The following KIAA1328 variants were observed in gnomAD, a reference collection of about 807,000 sequenced individuals.
KIAA1328 encodes protein hinderin.
KIAA1328 carries 52 observed loss-of-function variants against 68.1 expected under a neutral mutation model. That is an observed-to-expected ratio of 0.76 (90% confidence interval 0.61 to 0.96). KIAA1328 has a LOEUF of 0.96. Among genes scored for constraint, KIAA1328 ranks in the 40% least tolerant of loss-of-function variants. The pLI, the probability that KIAA1328 is intolerant of heterozygous loss-of-function variation, is 0.00. For missense variants in KIAA1328, 641 were observed against 677.6 expected, an observed-to-expected ratio of 0.95 and a Z score of 0.60; for synonymous variants, 232 against 239.4, an observed-to-expected ratio of 0.97 and a Z score of 0.28.
At chr18:36,940,486 G>C (rs1850497856) in intron 5 of KIAA1328, among the ~76,000 whole-genome samples, 1 of 152,148 alleles carries the variant, frequency 6.6e-6, no homozygotes, top group South Asian at 2.1e-4. Context: ...AGAAAGGTAT[G>C]CCGTTGACAA....
At chr18:37,159,531 A>C (rs967017009) in intron 7 of KIAA1328, among the ~76,000 whole-genome samples, 27 of 152,244 alleles carry the variant, frequency 1.8e-4, no homozygotes, top group African/African-American at 5.5e-4. Context: ...ATAACACATC[A>C]TTAGAATATT....
chr18:36,983,509 A>T (rs1333665083), intron 6 of KIAA1328, among the ~76,000 whole-genome samples: 1 of 152,062 alleles, frequency 6.6e-6, no homozygotes, highest in Non-Finnish European at 1.5e-5. Flanking sequence ...AAATCTAAGG[A>T]TGTAGAACAC....
intron 6 of KIAA1328, among the ~76,000 whole-genome samples, chr18:36,970,458 C>A (rs548987796): frequency 1.8e-4 from 28 of 152,076 alleles, no homozygotes; most frequent in Non-Finnish European, 3.2e-4. Context: ...CTGGCCAGGG[C>A]AATCGGGGAA....
chr18:37,071,062 T>G, intron 7 of KIAA1328, among the ~76,000 whole-genome samples: 1 of 79,560 alleles, frequency 1.3e-5, no homozygotes, highest in African/African-American at 1.4e-4. Context: ...TCTTCCTTTT[T>G]TTTTTTTTTT....
intron 9 of KIAA1328, among the ~76,000 whole-genome samples, chr18:37,192,169 G>GTGTGTGTGTGTGTGTGTA (rs1249747710): frequency 2.2e-4 from 33 of 151,708 alleles, no homozygotes; most frequent in African/African-American, 8.0e-4. Flanking sequence ...GTGTGTGTGT[G>GTGTGTGTGTGTGTGTGTA]TGTGTGTATG....
chr18:36,989,904 A>T (rs2053104322), intron 6 of KIAA1328, among the ~76,000 whole-genome samples: 1 of 152,104 alleles, frequency 6.6e-6, no homozygotes, highest in Non-Finnish European at 1.5e-5. Context: ...CCTGTTAGCC[A>T]GGATGGTCTC....
chr18:37,032,260 C>G (rs1250589634), intron 6 of KIAA1328, among the ~76,000 whole-genome samples: 2 of 152,164 alleles, frequency 1.3e-5, no homozygotes, highest in African/African-American at 4.8e-5. Context: ...AAGAATGCTT[C>G]CATTTCCCAC....
intron 6 of KIAA1328, among the ~76,000 whole-genome samples, chr18:37,044,536 G>A (rs1453541584): frequency 1.3e-5 from 2 of 152,138 alleles, no homozygotes; most frequent in Non-Finnish European, 1.5e-5. Flanking sequence ...GGTGGCTCAT[G>A]CCTGTAATCC....
intron 7 of KIAA1328, among the ~76,000 whole-genome samples, chr18:37,096,924 TG>T (rs1260228224): frequency 6.6e-6 from 1 of 152,198 alleles, no homozygotes; most frequent in Admixed American, 6.5e-5. Flanking sequence ...TGGGGCCGTT[TG>T]TTTTTTTCTT....
chr18:36,974,509 A>G (rs2052382399), intron 6 of KIAA1328, among the ~76,000 whole-genome samples: 1 of 152,182 alleles, frequency 6.6e-6, no homozygotes, highest in Admixed American at 6.5e-5. Flanking sequence ...ATAGTATTCC[A>G]TTGTGTATAT....
At chr18:37,226,101 T>C (rs1016427052), downstream of KIAA1328, among the ~76,000 whole-genome samples, 1 of 152,120 alleles carries the variant, frequency 6.6e-6, no homozygotes. Context: ...ACCACTGTGG[T>C]TCTCTCTTTC....
intron 4 of KIAA1328, among the ~76,000 whole-genome samples, chr18:36,880,395 G>T (rs2150964495): frequency 6.6e-6 from 1 of 152,304 alleles, no homozygotes; most frequent in African/African-American, 2.4e-5. Context: ...ACCTCAGTTG[G>T]AAATGCAGAA....
intron 7 of KIAA1328, among the ~76,000 whole-genome samples, chr18:37,138,598 G>A (rs2154207683): frequency 6.6e-6 from 1 of 152,140 alleles, no homozygotes; most frequent in South Asian, 2.1e-4. Flanking sequence ...CCTTTTTACT[G>A]ACTTTTCTTA....
intron 7 of KIAA1328, among the ~76,000 whole-genome samples, chr18:37,127,077 G>A (rs1305506094): frequency 1.3e-5 from 2 of 151,998 alleles, no homozygotes; most frequent in African/African-American, 4.8e-5. Context: ...AAAAGGAAAG[G>A]CAAGAAAAAG....
At chr18:37,042,557 T>A (rs2055298850) in intron 6 of KIAA1328, among the ~76,000 whole-genome samples, 1 of 152,238 alleles carries the variant, frequency 6.6e-6, no homozygotes, top group Admixed American at 6.5e-5. Context: ...AAACTTTGAA[T>A]ATGTCATCCC....
intron 4 of KIAA1328, among the ~76,000 whole-genome samples, chr18:36,853,056 T>C (rs1208007470): frequency 6.6e-6 from 1 of 152,240 alleles, no homozygotes; most frequent in Non-Finnish European, 1.5e-5. Flanking sequence ...TAGCATTCTT[T>C]GTTTTAAAGC....
At chr18:36,985,350 T>C (rs1455677821) in intron 6 of KIAA1328, among the ~76,000 whole-genome samples, 1 of 152,170 alleles carries the variant, frequency 6.6e-6, no homozygotes. Flanking sequence ...CCAGCGTTTT[T>C]TGTAGAAATT....
At chr18:37,098,882 CTGAT>C (rs1171604261) in intron 7 of KIAA1328, among the ~76,000 whole-genome samples, 3 of 152,174 alleles carry the variant, frequency 2.0e-5, no homozygotes, top group Admixed American at 6.5e-5. Flanking sequence ...ATAGTGTCCT[CTGAT>C]TGTAGTTTGT....
At chr18:37,118,065 G>A (rs980617218) in intron 7 of KIAA1328, among the ~76,000 whole-genome samples, 7 of 147,080 alleles carry the variant, frequency 4.8e-5, no homozygotes, top group African/African-American at 1.0e-4. Context: ...CACAAACACC[G>A]CTTACTGCAG....
Sources: allele counts gnomAD v4.1 joint callset (sites outside exome capture counted in the v4.1 genomes callset), GRCh38; gene constraint gnomAD v4.1.1; transcripts MANE v1.5; gene names NCBI Gene and HGNC (gene_info 2026-07-23, HGNC 2026-07-21).